COL18A1: variants seen among roughly 807,000 people sequenced by gnomAD.
The protein encoded by COL18A1 is collagen alpha-1(XVIII) chain.
COL18A1 carries 133 observed loss-of-function variants against 168.0 expected under a neutral mutation model. The ratio of observed to expected loss-of-function variants is 0.79; its 90% CI spans 0.69 to 0.91. The LOEUF is 0.91. Ranked by LOEUF, COL18A1 falls within the 40% of genes least tolerant of loss-of-function variation. COL18A1 has a pLI of 0.00. For synonymous variants in COL18A1, 949 were observed against 809.0 expected (o/e 1.17, Z -2.94); for missense variants, 2,126 against 1,925.4 (o/e 1.10, Z -1.95).
chr21:45,441,032 C>CG (rs1274588973), intron 2 of COL18A1, among the ~76,000 whole-genome samples: 2 of 152,344 alleles, frequency 1.3e-5, no homozygotes, highest in African/African-American at 4.8e-5. Flanking sequence ...TGCTTGCCCC[C>CG]GGGATGCAAA....
At chr21:45,495,607 C>CAGAT in intron 29 of COL18A1, 175 bp downstream of exon 29, 2 of 637,474 alleles carry the variant, frequency 3.1e-6, no homozygotes, top group Non-Finnish European at 5.8e-6. Flanking sequence ...TGTCCACACA[C>CAGAT]GCACACGTGT....
rs1032068752 is a variant in COL18A1, at chr21:45,457,624, A to C, written c.107-10618A>C. Among the ~76,000 whole-genome samples the C allele has an allele frequency of 1.3e-5, 2 of 152,114 alleles. No individual in the cohort carries two copies. Among genetic ancestry groups the C allele is most frequent in the Admixed American group, 6.5e-5 (1 of 15,280 alleles). Reference sequence around the variant, plus strand: ...GGCAGCCCAGAAAGGACCCCAGCAGATCCCTCCTCTGTGTCCGGGAGTAGA... The same window carrying C: ...GGCAGCCCAGAAAGGACCCCAGCAGCTCCCTCCTCTGTGTCCGGGAGTAGA... On this transcript the variant is annotated intron_variant, in intron 2 of 41. Coordinates refer to ENST00000651438, the MANE Select transcript of COL18A1 (RefSeq NM_001379500.1). This position sits in a 1 kb window ranked among gnomAD's most constrained non-coding sequence, Gnocchi z 4.6.
At chr21:45,470,804 T>A (rs1366406865) in intron 3 of COL18A1, among the ~76,000 whole-genome samples, 1 of 152,186 alleles carries the variant, frequency 6.6e-6, no homozygotes, top group Non-Finnish European at 1.5e-5. Context: ...GATGTGTTTA[T>A]GTGGTTAAAT....
intron 2 of COL18A1, among the ~76,000 whole-genome samples, chr21:45,411,294 CCAGCAG>C (rs1331172109): frequency 6.6e-6 from 1 of 152,170 alleles, no homozygotes; most frequent in East Asian, 1.9e-4. Flanking sequence ...GCTAAAGAGG[CCAGCAG>C]GATTGGGGGC....
In COL18A1 at chr21:45,477,821, C is replaced by T. The variant is rs1231382068; in HGVS notation, c.1077C>T (p.Ser359=). 5 of 1,552,244 alleles carry T rather than the reference C, an allele frequency of 3.2e-6. No homozygotes were observed. In the South Asian group the frequency reaches 5.9e-5, roughly 18 times the overall value. The change falls in exon 8 of 42, where the codon TCC becomes TCT. Residue 359 remains serine, a synonymous_variant. Transcript: ENST00000651438. ...CTGGCCGGGCAGGCCCCCCAGGATC[C>T]CCATGCCTACCTGGTCCCCCGGGTC... ...GPPGRAGPPG[S]PCLPGPPGLP... is the part of the protein sequence containing the mutation.
At chr21:45,467,405 CTG>C (rs199778576) in intron 2 of COL18A1, 35,627 of 985,384 alleles carry the variant, frequency 0.036, 738 homozygotes, top group Middle Eastern at 0.045. Context: ...GGTGGGGAGA[CTG>C]TGGCACGTTG....
chr21:45,459,985 C>G (rs962963723), intron 2 of COL18A1, among the ~76,000 whole-genome samples: 2 of 151,382 alleles, frequency 1.3e-5, no homozygotes, highest in African/African-American at 4.9e-5. Flanking sequence ...GGACCGGAGG[C>G]AGGTGATGTT....
chr21:45,473,751 C>G lies in COL18A1; in HGVS notation c.652-144C>G. The G allele has an allele frequency of 1.4e-6, 1 of 730,164 alleles. No homozygotes were observed. The highest frequency in any genetic ancestry group is 1.5e-5 in the South Asian group (1 of 66,424). 45.2% of individuals were successfully genotyped at this position (730,164 alleles called of 1,614,324 possible). On this transcript the variant is annotated intron_variant, in intron 3 of 41. Transcript: ENST00000651438. The surrounding 1 kb of genome is among the most constrained non-coding windows in gnomAD (Gnocchi z 4.0). ...TTCCTACCATGAGGCATACCGCACC[C>G]CCAGGGAGGCTGCCCGAGACCCCTT...
chr21:45,475,113 C>T (rs1453078889), intron 4 of COL18A1, among the ~76,000 whole-genome samples: 1 of 152,206 alleles, frequency 6.6e-6, no homozygotes, highest in Non-Finnish European at 1.5e-5. Context: ...CGGGCGTGCG[C>T]TGGGGAAACC....
In COL18A1 at chr21:45,512,566, G is replaced by GT; in HGVS notation, c.*169dup. 2 of 683,760 alleles carry GT rather than the reference G, an allele frequency of 2.9e-6. No individual in the cohort carries two copies. The highest frequency in any genetic ancestry group is 1.9e-5 in the South Asian group (1 of 54,028). The allele number at this position is 683,760 out of a possible 1,614,324, so 42.4% of individuals were successfully genotyped here. A position where few individuals can be genotyped will look rare whatever the true frequency, so the allele number is the denominator to read the frequency against. ...AAGAAATAAAAGGAAGCCAAAGAGTGTATTTTTTTAAAAGTTTAAAACAGA... is the reference window on the plus strand; with the variant it reads ...AAGAAATAAAAGGAAGCCAAAGAGTGTTATTTTTTTAAAAGTTTAAAACAGA... On this transcript the variant is annotated 3_prime_UTR_variant, in exon 42 of 42. Transcript: ENST00000651438.
At position 45,425,666 on chromosome 21, in the gene COL18A1, G is replaced by A. The variant is rs902231072; in HGVS notation, c.106+20193G>A. 6.6e-6 allele frequency among the ~76,000 whole-genome samples: 1 copy of A among 152,140 alleles called. No homozygotes were observed. The highest frequency in any genetic ancestry group is 1.5e-5 in the Non-Finnish European group (1 of 68,022). ...GTCGTCCAGCCTCCCCGGCTCCTCA[G>A]GGGGAGGTTCGGGGCCTTTGGTCTC... On this transcript the variant is annotated intron_variant, in intron 2 of 41. Transcript: ENST00000651438. This position sits in a 1 kb window ranked among gnomAD's most constrained non-coding sequence, Gnocchi z 4.1.
chr21:45,421,830 ACAGCCCGGGGTCCCC>A (rs1337416487), intron 2 of COL18A1, among the ~76,000 whole-genome samples: 2 of 151,976 alleles, frequency 1.3e-5, no homozygotes, highest in African/African-American at 4.8e-5. Context: ...GTGACAGGAC[ACAGCCCGGGGTCCCC>A]CAGGGCCAGT....
chr21:45,405,259 GGCAGGGGTTGGGGGACGCCAAGATGC>G lies in COL18A1; in HGVS notation c.11+20_11+45del. 8.7e-6 allele frequency: 1 copy of G among 115,168 alleles called. No homozygotes were observed. Among genetic ancestry groups the G allele is most frequent in the Non-Finnish European group, 1.3e-5 (1 of 78,840 alleles). 7.1% of individuals were successfully genotyped at this position (115,168 alleles called of 1,614,324 possible). On this transcript the variant is annotated intron_variant, in intron 1 of 41. Transcript: ENST00000651438. ...GCGCCGAGGTGAGGCCGGGGCTGCGGGCAGGGGTTGGGGGACGCCAAGATGCGGCTGCGGGGGTCGCGGGGGTCGCG... is the reference window on the plus strand; with the variant it reads ...GCGCCGAGGTGAGGCCGGGGCTGCGGGGCTGCGGGGGTCGCGGGGGTCGCG...
At chr21:45,456,956 G>A in intron 2 of COL18A1, 2 of 1,190,812 alleles carry the variant, frequency 1.7e-6, no homozygotes, top group Non-Finnish European at 2.2e-6. Flanking sequence ...GCTGACGTGA[G>A]CCTGGTACAG....
chr21:45,482,859 C>T (rs2035948338), intron 15 of COL18A1, 38 bp downstream of exon 15: 1 of 1,614,112 alleles, frequency 6.2e-7, no homozygotes, highest in African/African-American at 1.3e-5. Flanking sequence ...TCCCCTGCCC[C>T]TGGTGCCCAC....
chr21:45,490,775 A>C, intron 20 of COL18A1, 61 bp from the exon 21 acceptor site: 2 of 1,519,126 alleles, frequency 1.3e-6, no homozygotes, highest in South Asian at 2.4e-5. Context: ...GCCATCCCTC[A>C]CGGGGGGCCA....
chr21:45,436,398 G>A (rs553802245), intron 2 of COL18A1, among the ~76,000 whole-genome samples: 73 of 152,334 alleles, frequency 4.8e-4, no homozygotes, highest in African/African-American at 1.6e-3. Flanking sequence ...CTGTGCCGCC[G>A]CCCCATTGTG....
rs556424317 is a variant in COL18A1, at chr21:45,425,847, C to T, written c.106+20374C>T. On this transcript the variant is annotated intron_variant, in intron 2 of 41. Transcript: ENST00000651438. This position sits in a 1 kb window ranked among gnomAD's most constrained non-coding sequence, Gnocchi z 4.1. Reference sequence around the variant, plus strand: ...GATCCACATTTATCCCAAGTTAGAACAGCACATCTGTGCGTGCAAACTTCA... The same window carrying T: ...GATCCACATTTATCCCAAGTTAGAATAGCACATCTGTGCGTGCAAACTTCA... 5.3e-5 allele frequency among the ~76,000 whole-genome samples: 8 copies of T among 152,294 alleles called. No individual in the cohort carries two copies. Among genetic ancestry groups the T allele is most frequent in the African/African-American group, 1.9e-4 (8 of 41,562 alleles).
In COL18A1 at chr21:45,495,963, T is replaced by G. The variant is rs574691587; in HGVS notation, c.2508+531T>G. 8.4e-5 allele frequency: 28 copies of G among 332,452 alleles called. 2 individuals are homozygous for G. The East Asian group carries it at 2.1e-3, about 25-fold the overall frequency. The allele number at this position is 332,452 out of a possible 1,614,324, so 20.6% of individuals were successfully genotyped here. On this transcript the variant is annotated intron_variant, in intron 29 of 41. Transcript: ENST00000651438. ...ACATGTATACTCATGCACACATACA[T>G]ATACACATGCATACACACCAATACA...
Sources: allele counts gnomAD v4.1 joint callset (sites outside exome capture counted in the v4.1 genomes callset), GRCh38; gene constraint gnomAD v4.1.1; non-coding constraint Gnocchi (gnomAD v3.1); transcripts MANE v1.5; gene names NCBI Gene and HGNC (gene_info 2026-07-23, HGNC 2026-07-21).